The following CHN2 variants were observed in gnomAD, a reference collection of about 807,000 sequenced individuals.
CHN2 encodes beta-chimaerin.
Under a neutral mutation model 56.3 loss-of-function variants are expected in CHN2, and 35 were observed. The ratio of observed to expected loss-of-function variants is 0.62; its 90% CI spans 0.47 to 0.82. CHN2 has a LOEUF of 0.82. Ranked by LOEUF, CHN2 falls within the 40% of genes least tolerant of loss-of-function variation. The probability of loss-of-function intolerance (pLI) is 0.00; values close to 1 mark genes in which losing one functional copy is unlikely to be tolerated. For synonymous variants in CHN2, 210 were observed against 212.8 expected (o/e 0.99, Z 0.12); for missense variants, 491 against 580.5 (o/e 0.85, Z 1.58).
intron 6 of CHN2, among the ~76,000 whole-genome samples, chr7:29,408,302 T>C (rs1802854249): frequency 6.6e-6 from 1 of 152,200 alleles, no homozygotes; most frequent in Non-Finnish European, 1.5e-5. Flanking sequence ...TCGGTCTTTT[T>C]TGGCTCCTCA....
In CHN2 at chr7:29,398,800, C is replaced by T. The variant is rs533398153; in HGVS notation, c.290+314C>T. Among the ~76,000 whole-genome samples the T allele has an allele frequency of 4.0e-5, 6 of 148,588 alleles. No homozygotes were observed. The South Asian group carries it at 1.3e-3, about 32-fold the overall frequency. On this transcript the variant is annotated intron_variant, in intron 5 of 12. Coordinates refer to ENST00000222792, the MANE Select transcript of CHN2 (RefSeq NM_004067.4). ...TTTTTTTGAAGAGAATGGGGTCTCA[C>T]CATGTTGCCCGGGCTGGTCTTGAAC... is the stretch of plus-strand genomic sequence containing the variant.
chr7:29,275,386 T>C (rs979633344), intron 1 of CHN2, among the ~76,000 whole-genome samples: 1 of 152,216 alleles, frequency 6.6e-6, no homozygotes, highest in Non-Finnish European at 1.5e-5. Flanking sequence ...CCATTAAAAG[T>C]ACTGCACTAT....
intron 6 of CHN2, among the ~76,000 whole-genome samples, chr7:29,405,059 A>AAAAATTT (rs1802518886): frequency 6.6e-6 from 1 of 152,110 alleles, no homozygotes; most frequent in East Asian, 1.9e-4. Flanking sequence ...TGCCCTATTT[A>AAAAATTT]AAAATTTAAA....
At chr7:29,299,024 T>G (rs1395472768) in intron 1 of CHN2, among the ~76,000 whole-genome samples, 2 of 152,172 alleles carry the variant, frequency 1.3e-5, no homozygotes, top group Non-Finnish European at 2.9e-5. Context: ...TGAGCAAAAT[T>G]GAATTTATTG....
At position 29,222,777 on chromosome 7, in the gene CHN2, C is replaced by T. The variant is rs189446178; in HGVS notation, c.49+27787C>T. Among the ~76,000 whole-genome samples the T allele has an allele frequency of 2.2e-4, 34 of 152,000 alleles. No individual in the cohort carries two copies. In the East Asian group the frequency reaches 5.4e-3, roughly 24 times the overall value. ...AAAATTTAAGTGGAAATACAAAACA[C>T]CAAGAATAACTGAAGCAATACTAAC... On this transcript the variant is annotated intron_variant, in intron 1 of 12. Coordinates refer to ENST00000222792, the MANE Select transcript of CHN2 (RefSeq NM_004067.4).
intron 10 of CHN2, among the ~76,000 whole-genome samples, chr7:29,506,430 A>G (rs1790573641): frequency 6.6e-6 from 1 of 152,132 alleles, no homozygotes. Context: ...TTGAGGTAGG[A>G]GTTCGAGACC....
chr7:29,298,730 TG>T (rs1180045569), intron 1 of CHN2, among the ~76,000 whole-genome samples: 1 of 152,218 alleles, frequency 6.6e-6, no homozygotes, highest in African/African-American at 2.4e-5. Context: ...AGCTGGAGAT[TG>T]CTGGTTGGTT....
chr7:29,211,205 G>C (rs1001545955), intron 1 of CHN2, among the ~76,000 whole-genome samples: 2 of 151,796 alleles, frequency 1.3e-5, no homozygotes, highest in African/African-American at 4.8e-5. Flanking sequence ...TGAGGAGCTG[G>C]GACTAAAGGC....
chr7:29,504,054 A>T (rs1014840308), intron 9 of CHN2, among the ~76,000 whole-genome samples: 2 of 152,232 alleles, frequency 1.3e-5, no homozygotes, highest in Non-Finnish European at 2.9e-5. Flanking sequence ...CTGTTTGTAT[A>T]ATCAGTTGTC....
intron 6 of CHN2, among the ~76,000 whole-genome samples, chr7:29,468,306 G>T (rs1042538609): frequency 3.9e-5 from 6 of 152,090 alleles, no homozygotes; most frequent in Non-Finnish European, 2.9e-5. Flanking sequence ...GCTTGAGAGA[G>T]CTGGGACTGG....
chr7:29,308,087 G>A (rs956381888), intron 1 of CHN2, among the ~76,000 whole-genome samples: 8 of 152,188 alleles, frequency 5.3e-5, no homozygotes, highest in African/African-American at 1.7e-4. Context: ...TGTCAAAGGA[G>A]TTGGAAAAGT....
At position 29,460,731 on chromosome 7, in the gene CHN2, C is replaced by T. The variant is rs983167867; in HGVS notation, c.577-19548C>T. Among the ~76,000 whole-genome samples the T allele has an allele frequency of 1.1e-4, 17 of 152,292 alleles. No homozygotes were observed. In the South Asian group the frequency reaches 3.3e-3, roughly 30 times the overall value. On this transcript the variant is annotated intron_variant, in intron 6 of 12. Coordinates refer to ENST00000222792, the MANE Select transcript of CHN2 (RefSeq NM_004067.4). ...TTTGGACAGAGCCATCTCTTGGTAT[C>T]GGAGGGAAGCAAATGGCTGCTAGTG...
chr7:29,402,486 A>G (rs535704116), intron 6 of CHN2, among the ~76,000 whole-genome samples: 1 of 152,342 alleles, frequency 6.6e-6, no homozygotes, highest in East Asian at 1.9e-4. Flanking sequence ...GCCATTCCTT[A>G]GTCTGTTTGC....
At chr7:29,501,472 T>A (rs550105570) in intron 9 of CHN2, among the ~76,000 whole-genome samples, 1 of 152,314 alleles carries the variant, frequency 6.6e-6, no homozygotes, top group Non-Finnish European at 1.5e-5. Flanking sequence ...TCAGGGCTTT[T>A]CTGAAGAAGC....
At chr7:29,431,008 C>T (rs945085068) in intron 6 of CHN2, among the ~76,000 whole-genome samples, 2 of 152,064 alleles carry the variant, frequency 1.3e-5, no homozygotes, top group Admixed American at 6.6e-5. Flanking sequence ...TAAGCCTAGT[C>T]AGGGTCCTGC....
chr7:29,243,874 T>C (rs75406469), intron 1 of CHN2, among the ~76,000 whole-genome samples: 2,159 of 152,332 alleles, frequency 0.014, 74 homozygotes, highest in African/African-American at 0.05. Flanking sequence ...TATTTTTAGA[T>C]GTCAAAGTGC....
chr7:29,409,872 G>T (rs1417457441), intron 6 of CHN2, among the ~76,000 whole-genome samples: 1 of 152,214 alleles, frequency 6.6e-6, no homozygotes, highest in Non-Finnish European at 1.5e-5. Context: ...TGGTGTTTGA[G>T]AGGAATTGTC....
chr7:29,274,817 G>C (rs1791049741), intron 1 of CHN2, among the ~76,000 whole-genome samples: 1 of 152,192 alleles, frequency 6.6e-6, no homozygotes, highest in Non-Finnish European at 1.5e-5. Flanking sequence ...AAAACTACCT[G>C]CATCAGTGCT....
At chr7:29,438,127 A>G (rs917813585) in intron 6 of CHN2, among the ~76,000 whole-genome samples, 3 of 152,244 alleles carry the variant, frequency 2.0e-5, no homozygotes, top group Admixed American at 6.5e-5. Context: ...AGGACAGTCA[A>G]TGAAGGGGTA....
Sources: gnomAD v4.1 joint callset for allele counts (sites outside exome capture counted in the v4.1 genomes callset) on GRCh38, gnomAD v4.1.1 for gene constraint, MANE v1.5 for transcripts, NCBI Gene and HGNC (gene_info 2026-07-23, HGNC 2026-07-21) for gene names.